Variants in RASGRF1 observed in about 807,000 individuals in gnomAD.
RASGRF1 encodes Ras protein specific guanine nucleotide releasing factor 1.
RASGRF1 carries 40 observed loss-of-function variants against 138.7 expected under a neutral mutation model. The observed-to-expected ratio is 0.29, with a 90% CI of 0.22 to 0.38. The LOEUF (loss-of-function observed/expected upper bound fraction) is 0.38, where lower values mean the gene tolerates loss of function less well. Among genes scored for constraint, RASGRF1 ranks in the 10% least tolerant of loss-of-function variants. RASGRF1 has a pLI of 1.00. For missense variants in RASGRF1, 1,108 were observed against 1,650.4 expected (o/e 0.67, Z 5.69); for synonymous variants, 614 against 663.2 (o/e 0.93, Z 1.14).
Position 78,961,024 on chromosome 15 carries a change from AG to A in RASGRF1, c.*1119del, listed in dbSNP as rs2055536759. ...GTTGAAATATTTTAGGACTTGAAATAGAATTCTCATACCACTAGGTATTGCT... is the reference window on the plus strand; with the variant it reads ...GTTGAAATATTTTAGGACTTGAAATAAATTCTCATACCACTAGGTATTGCT... On this transcript the variant is annotated 3_prime_UTR_variant, in exon 27 of 27. Transcript: ENST00000558480. The A allele has an allele frequency of 6.6e-6, 1 of 152,268 alleles. No individual in the cohort carries two copies. The highest frequency in any genetic ancestry group is 1.5e-5 in the Non-Finnish European group (1 of 68,030). The allele number at this position is 152,268 out of a possible 1,614,324, so 9.4% of individuals were successfully genotyped here. A position where few individuals can be genotyped will look rare whatever the true frequency, so the allele number is the denominator to read the frequency against.
chr15:79,016,692 C>T (rs2056883313), intron 12 of RASGRF1, among the ~76,000 whole-genome samples: 1 of 152,218 alleles, frequency 6.6e-6, no homozygotes, highest in South Asian at 2.1e-4. Flanking sequence ...TCAGAACAGG[C>T]ACGTGCCATG....
chr15:79,066,517 C>G (rs1248761855), intron 1 of RASGRF1, among the ~76,000 whole-genome samples: 1 of 152,238 alleles, frequency 6.6e-6, no homozygotes, highest in South Asian at 2.1e-4. Flanking sequence ...GGGAATGTCC[C>G]AGAGCTATAG....
chr15:78,999,147 C>T (rs1278265503), intron 17 of RASGRF1, among the ~76,000 whole-genome samples: 1 of 152,202 alleles, frequency 6.6e-6, no homozygotes, highest in Non-Finnish European at 1.5e-5. Context: ...GCCCCTATTC[C>T]AGTCTCTGCT....
intron 5 of RASGRF1, among the ~76,000 whole-genome samples, chr15:79,041,397 A>G (rs2057295547): frequency 6.6e-6 from 1 of 152,210 alleles, no homozygotes; most frequent in Admixed American, 6.5e-5. Flanking sequence ...CCCCATTCAT[A>G]TTGAACAGTT....
chr15:79,019,500 C>T (rs1276614328), intron 11 of RASGRF1, among the ~76,000 whole-genome samples: 1 of 152,172 alleles, frequency 6.6e-6, no homozygotes, highest in Non-Finnish European at 1.5e-5. Flanking sequence ...CCCCTCCTGG[C>T]CCCTGCAAGG....
At chr15:79,028,489 A>C (rs1011724531) in intron 8 of RASGRF1, among the ~76,000 whole-genome samples, 85 of 152,214 alleles carry the variant, frequency 5.6e-4, no homozygotes, top group Middle Eastern at 3.4e-3. Context: ...GGGAGGGAAT[A>C]TAGACAACTC....
chr15:79,039,854 C>T (rs1455370297), intron 5 of RASGRF1, among the ~76,000 whole-genome samples: 1 of 151,624 alleles, frequency 6.6e-6, no homozygotes, highest in Non-Finnish European at 1.5e-5. Flanking sequence ...ACTGTAGCCT[C>T]GGCCTCCTGG....
intron 1 of RASGRF1, among the ~76,000 whole-genome samples, chr15:79,088,528 G>A (rs191363245): frequency 1.1e-4 from 16 of 152,286 alleles, no homozygotes; most frequent in Non-Finnish European, 1.9e-4. Flanking sequence ...CTGCCTTCAC[G>A]TCCAGGGGGC....
intron 24 of RASGRF1, chr15:78,979,377 T>C: frequency 3.3e-6 from 1 of 300,790 alleles, no homozygotes; most frequent in South Asian, 3.5e-5. Flanking sequence ...GCTGGCCCCA[T>C]CCTCAGGGTC....
At chr15:79,010,831 T>A (rs2056780653) in intron 13 of RASGRF1, among the ~76,000 whole-genome samples, 2 of 152,130 alleles carry the variant, frequency 1.3e-5, no homozygotes, top group Non-Finnish European at 2.9e-5. Context: ...CAGTTTTGGG[T>A]TGCTGGTGGC....
At chr15:79,066,827 T>C (rs1427132343) in intron 1 of RASGRF1, among the ~76,000 whole-genome samples, 1 of 151,914 alleles carries the variant, frequency 6.6e-6, no homozygotes, top group Non-Finnish European at 1.5e-5. Context: ...GATGCCCAAC[T>C]CTCCATCCTG....
At position 78,961,632 on chromosome 15, in the gene RASGRF1, T is replaced by A. The variant is rs2055545387; in HGVS notation, c.*512A>T. 1 of 154,048 alleles carries A rather than the reference T, an allele frequency of 6.5e-6. No homozygotes were observed. Among genetic ancestry groups the A allele is most frequent in the Admixed American group, 6.5e-5 (1 of 15,502 alleles). The allele number at this position is 154,048 out of a possible 1,614,324, so 9.5% of individuals were successfully genotyped here. On this transcript the variant is annotated 3_prime_UTR_variant, in exon 27 of 27. Transcript: ENST00000558480. ...GAGTTTTGAGACCTGCGATTTTGGC[T>A]GGAGAAGCTGCTTTGGAAATTGACA...
chr15:79,061,976 G>T (rs1428789452), intron 2 of RASGRF1, among the ~76,000 whole-genome samples: 1 of 152,162 alleles, frequency 6.6e-6, no homozygotes, highest in Non-Finnish European at 1.5e-5. Context: ...TTAAGCAACT[G>T]CCTTGCAATT....
At chr15:78,976,488 A>G (rs1180652175) in intron 24 of RASGRF1, among the ~76,000 whole-genome samples, 1 of 152,168 alleles carries the variant, frequency 6.6e-6, no homozygotes, top group African/African-American at 2.4e-5. Flanking sequence ...TGCGGCCCTT[A>G]GGCCACGGGT....
At position 79,027,800 on chromosome 15, in the gene RASGRF1, C is replaced by A. The variant is rs564585940; in HGVS notation, c.1322G>T (p.Arg441Leu). 3 of 1,614,240 alleles carry A rather than the reference C, an allele frequency of 1.9e-6. No individual in the cohort carries two copies. Among genetic ancestry groups the A allele is most frequent in the Non-Finnish European group, 2.5e-6 (3 of 1,180,042 alleles). Reference sequence around the variant, plus strand: ...GATCTCACAGCCTTCGATGATCATGCGCTCGATGGCCAGGTTTTTCCGGAT... The same window carrying A: ...GATCTCACAGCCTTCGATGATCATGAGCTCGATGGCCAGGTTTTTCCGGAT... The part of the protein sequence containing the change: ...ENIRKNLAIE[R>L]MIIEGCEILL... Residue 441 changes from arginine (R) to leucine (L), a missense_variant, in exon 9 of 27, where the codon CGC becomes CTC. Transcript: ENST00000558480. The surrounding 1 kb of genome is among the most constrained non-coding windows in gnomAD (Gnocchi z 4.8).
At chr15:79,001,567 A>C in intron 16 of RASGRF1, 95 bp downstream of exon 16, 1 of 1,440,626 alleles carries the variant, frequency 6.9e-7, no homozygotes, top group East Asian at 2.5e-5. Flanking sequence ...CTCATAAAGC[A>C]TAAGGGATGA....
chr15:79,012,119 T>G (rs753963819), intron 13 of RASGRF1, among the ~76,000 whole-genome samples: 3 of 152,198 alleles, frequency 2.0e-5, no homozygotes, highest in Non-Finnish European at 4.4e-5. Flanking sequence ...TCTGGTAGTG[T>G]ACCTGGAGGC....
chr15:79,031,720 A>G (rs2057140935), intron 7 of RASGRF1, among the ~76,000 whole-genome samples: 1 of 143,090 alleles, frequency 7.0e-6, no homozygotes, highest in African/African-American at 2.7e-5. Flanking sequence ...GCGCGTGAGC[A>G]TGGGGTGCGG....
intron 18 of RASGRF1, 91 bp downstream of exon 18, chr15:78,998,628 T>G: frequency 9.0e-7 from 1 of 1,105,862 alleles, no homozygotes; most frequent in South Asian, 1.3e-5. Flanking sequence ...ATCAGCTCAC[T>G]CTGCCCGCAG....
Sources: gnomAD v4.1 joint callset for allele counts (sites outside exome capture counted in the v4.1 genomes callset) on GRCh38, gnomAD v4.1.1 for gene constraint, Gnocchi (gnomAD v3.1) non-coding constraint, MANE v1.5 for transcripts, NCBI Gene and HGNC (gene_info 2026-07-23, HGNC 2026-07-21) for gene names.